EEPD1: variants seen among roughly 807,000 people sequenced by gnomAD.
EEPD1 encodes the protein endonuclease/exonuclease/phosphatase family domain-containing protein 1.
EEPD1 carries 17 observed loss-of-function variants against 46.3 expected under a neutral mutation model. The observed-to-expected ratio is 0.37, with a 90% CI of 0.25 to 0.55. The LOEUF (loss-of-function observed/expected upper bound fraction) is 0.55. EEPD1 is among the 20% of genes least tolerant of loss of function. The probability of loss-of-function intolerance (pLI) is 0.83; values close to 1 mark genes in which losing one functional copy is unlikely to be tolerated. For missense variants in EEPD1, 673 were observed against 745.6 expected, an observed-to-expected ratio of 0.90 and a Z score of 1.13; for synonymous variants, 313 against 315.6, an observed-to-expected ratio of 0.99 and a Z score of 0.09.
chr7:36,284,802 A>G lies in EEPD1; in HGVS notation c.1158A>G (p.Pro386=). The change falls in exon 5 of 8, where the codon CCA becomes CCG. Residue 386 remains proline, a synonymous_variant. Transcript: ENST00000242108. ...ACGGGAAGCTGGCGGGCCCCAGCCC[A>G]TACCTCGGGAGGTTCAAGGTACCCG... ...NGHGKLAGPS[P]YLGRFKVGSH... 6.4e-7 allele frequency: 1 copy of G among 1,555,278 alleles called. No individual in the cohort carries two copies. Among genetic ancestry groups the G allele is most frequent in the Non-Finnish European group, 8.7e-7 (1 of 1,149,550 alleles).
intron 2 of EEPD1, among the ~76,000 whole-genome samples, chr7:36,183,888 T>TTTTTTTTTTTTG (rs3053348): frequency 4.4e-5 from 6 of 135,408 alleles, no homozygotes; most frequent in Admixed American, 7.6e-5. Flanking sequence ...TTTTTTTTTT[T>TTTTTTTTTTTTG]ATTTTTAAAA....
At chr7:36,237,691 C>CT (rs993888364) in intron 2 of EEPD1, among the ~76,000 whole-genome samples, 10 of 152,138 alleles carry the variant, frequency 6.6e-5, no homozygotes, top group Admixed American at 5.9e-4. Context: ...GGACTCACGC[C>CT]TGTAATCCCA....
At chr7:36,237,715 C>T (rs1392216572) in intron 2 of EEPD1, among the ~76,000 whole-genome samples, 1 of 152,096 alleles carries the variant, frequency 6.6e-6, no homozygotes, top group Non-Finnish European at 1.5e-5. Context: ...CTTTGGGAGG[C>T]CAAGGTGGGT....
At chr7:36,208,270 C>T (rs913224982) in intron 2 of EEPD1, among the ~76,000 whole-genome samples, 7 of 152,226 alleles carry the variant, frequency 4.6e-5, no homozygotes, top group African/African-American at 1.4e-4. Flanking sequence ...GACAAATTTT[C>T]AAACCAGGAG....
At chr7:36,235,458 T>G (rs917963470) in intron 2 of EEPD1, among the ~76,000 whole-genome samples, 7 of 152,234 alleles carry the variant, frequency 4.6e-5, no homozygotes, top group African/African-American at 7.2e-5. Flanking sequence ...TTCCCAGCCT[T>G]CCTTCCCTGA....
chr7:36,291,714 G>A (rs1452491287), intron 6 of EEPD1, among the ~76,000 whole-genome samples: 1 of 152,212 alleles, frequency 6.6e-6, no homozygotes, highest in African/African-American at 2.4e-5. Context: ...TGTTATTACG[G>A]AAGCACACCC....
rs1785516383 is a variant in EEPD1, at chr7:36,193,384, G to A, written c.878+38182G>A. Among the ~76,000 whole-genome samples the A allele has an allele frequency of 6.6e-6, 1 of 152,200 alleles. No individual in the cohort carries two copies. The highest frequency in any genetic ancestry group is 2.4e-5 in the African/African-American group (1 of 41,454). On this transcript the variant is annotated intron_variant, in intron 2 of 7. Coordinates refer to ENST00000242108, the MANE Select transcript of EEPD1 (RefSeq NM_030636.3). The surrounding 1 kb of genome is among the most constrained non-coding windows in gnomAD (Gnocchi z 4.9). The stretch of plus-strand genomic sequence containing the variant: ...ATGAGGTATGGCCAGAGAGCAGAGG[G>A]AATGCCACACAGGAGGACAAAGGAG...
intron 2 of EEPD1, among the ~76,000 whole-genome samples, chr7:36,158,294 T>C (rs994611847): frequency 3.9e-5 from 6 of 152,204 alleles, no homozygotes; most frequent in Non-Finnish European, 5.9e-5. Context: ...ACCTGCCTCT[T>C]GGTTAGACAC....
chr7:36,286,869 A>G (rs1325590362), intron 5 of EEPD1, among the ~76,000 whole-genome samples: 3 of 152,108 alleles, frequency 2.0e-5, no homozygotes. Flanking sequence ...GGGTCTCACT[A>G]TGTTGGCCAA....
intron 2 of EEPD1, among the ~76,000 whole-genome samples, chr7:36,156,596 C>T (rs1209281888): frequency 6.6e-6 from 1 of 152,126 alleles, no homozygotes; most frequent in Non-Finnish European, 1.5e-5. Context: ...ATTATGCTTT[C>T]TAGTGGCTCA....
intron 2 of EEPD1, among the ~76,000 whole-genome samples, chr7:36,203,010 A>T (rs1165335924): frequency 6.6e-6 from 1 of 152,142 alleles, no homozygotes; most frequent in Non-Finnish European, 1.5e-5. Context: ...CTTGCCCTGG[A>T]TTAATCAGGT....
intron 2 of EEPD1, among the ~76,000 whole-genome samples, chr7:36,220,286 C>T (rs1215430171): frequency 6.6e-6 from 1 of 152,114 alleles, no homozygotes; most frequent in East Asian, 1.9e-4. Context: ...GCAGATGGCT[C>T]CTTCTTGGGT....
rs1786224958 is a variant in EEPD1 at position 36,225,857 on chromosome 7, A to C, written c.879-13128A>C. 6.6e-6 allele frequency among the ~76,000 whole-genome samples: 1 copy of C among 152,204 alleles called. No homozygotes were observed. Among genetic ancestry groups the C allele is most frequent in the South Asian group, 2.1e-4 (1 of 4,830 alleles). ...CAGCTGAGTTGCCTTTTGTCTGTGA[A>C]GCCAATCAGAAAGACATTCTCAGAT... On this transcript the variant is annotated intron_variant, in intron 2 of 7. Transcript: ENST00000242108. The surrounding 1 kb of genome is among the most constrained non-coding windows in gnomAD (Gnocchi z 4.2).
rs1331712210 is a variant in EEPD1 at position 36,225,199 on chromosome 7, T to C, written c.879-13786T>C. ...GTTAAGTCACCAAGTTTGTGATAAT[T>C]TGTTAGAACAGCCACAGAAAACAAC... On this transcript the variant is annotated intron_variant, in intron 2 of 7. Transcript: ENST00000242108. The surrounding 1 kb of genome is among the most constrained non-coding windows in gnomAD (Gnocchi z 4.2). 6.6e-6 allele frequency among the ~76,000 whole-genome samples: 1 copy of C among 152,224 alleles called. No individual in the cohort carries two copies. Among genetic ancestry groups the C allele is most frequent in the African/African-American group, 2.4e-5 (1 of 41,456 alleles).
chr7:36,252,754 G>A (rs1397153659), intron 3 of EEPD1, among the ~76,000 whole-genome samples: 1 of 150,522 alleles, frequency 6.6e-6, no homozygotes, highest in Non-Finnish European at 1.5e-5. Context: ...CTTATGGTAC[G>A]CCCCAGACTG....
At chr7:36,201,556 C>T (rs891826107) in intron 2 of EEPD1, among the ~76,000 whole-genome samples, 2 of 152,124 alleles carry the variant, frequency 1.3e-5, no homozygotes, top group East Asian at 3.9e-4. Flanking sequence ...GATCTGCAAC[C>T]GGGGATGAAC....
chr7:36,187,720 ATCTG>A (rs1785385078), intron 2 of EEPD1, among the ~76,000 whole-genome samples: 2 of 152,154 alleles, frequency 1.3e-5, no homozygotes, highest in African/African-American at 4.8e-5. Context: ...TGTGCAGACA[ATCTG>A]TCTGAGTCCC....
intron 2 of EEPD1, among the ~76,000 whole-genome samples, chr7:36,201,354 T>C (rs1442295202): frequency 6.6e-6 from 1 of 152,210 alleles, no homozygotes. Context: ...TAATGTACTA[T>C]GTTTTGTAGG....
chr7:36,255,470 G>A lies in EEPD1; in HGVS notation c.930+16434G>A, dbSNP rs1219336685. On this transcript the variant is annotated intron_variant, in intron 3 of 7. Transcript: ENST00000242108. ...TGTAGATGTGTGGCTCTTTATTACT[G>A]CCTCAATTTCAGAACTTGTTATTGG... 4.0e-5 allele frequency among the ~76,000 whole-genome samples: 6 copies of A among 151,696 alleles called. 1 individual carries two copies. In the East Asian group the frequency reaches 7.7e-4, roughly 20 times the overall value.
Sources: allele counts gnomAD v4.1 joint callset (sites outside exome capture counted in the v4.1 genomes callset), GRCh38; gene constraint gnomAD v4.1.1; non-coding constraint Gnocchi (gnomAD v3.1); transcripts MANE v1.5; gene names NCBI Gene and HGNC (gene_info 2026-07-23, HGNC 2026-07-21).